The following LRRC4C variants were observed in gnomAD, a reference collection of about 807,000 sequenced individuals.
LRRC4C encodes leucine rich repeat containing 4C.
In LRRC4C, 5 loss-of-function variants were observed where a neutral mutation model predicts 33.6. That is an observed-to-expected ratio of 0.15 (90% CI 0.08 to 0.31). The LOEUF (loss-of-function observed/expected upper bound fraction) is 0.31. Ranked by LOEUF, LRRC4C falls within the 10% of genes least tolerant of loss-of-function variation. The probability of loss-of-function intolerance (pLI) is 1.00; values close to 1 mark genes in which losing one functional copy is unlikely to be tolerated. For missense variants in LRRC4C, 560 were observed against 796.7 expected (o/e 0.70, Z 3.58); for synonymous variants, 329 against 302.0 (o/e 1.09, Z -0.93).
chr11:41,091,923 A>T (rs1280251197), intron 1 of LRRC4C, among the ~76,000 whole-genome samples: 10 of 152,114 alleles, frequency 6.6e-5, no homozygotes, highest in African/African-American at 2.2e-4. Flanking sequence ...GGAGTAGAAA[A>T]TCAATGGGAT....
intron 2 of LRRC4C, among the ~76,000 whole-genome samples, chr11:40,673,940 G>T (rs77673402): frequency 6.6e-6 from 1 of 152,104 alleles, no homozygotes; most frequent in African/African-American, 2.4e-5. Flanking sequence ...ATGAACCATC[G>T]CTTTCTTGAG....
At chr11:40,732,687 G>T (rs1947651550) in intron 2 of LRRC4C, among the ~76,000 whole-genome samples, 1 of 152,022 alleles carries the variant, frequency 6.6e-6, no homozygotes, top group South Asian at 2.1e-4. Context: ...TTTCACTATG[G>T]TGACTTTTGA....
At chr11:41,251,090 C>T (rs1449705197) in intron 1 of LRRC4C, among the ~76,000 whole-genome samples, 1 of 152,086 alleles carries the variant, frequency 6.6e-6, no homozygotes, top group Non-Finnish European at 1.5e-5. Context: ...AGAAGCCAAA[C>T]AATACAAAAC....
At chr11:40,486,057 C>A (rs998352611) in intron 3 of LRRC4C, among the ~76,000 whole-genome samples, 20 of 151,272 alleles carry the variant, frequency 1.3e-4, no homozygotes, top group African/African-American at 4.1e-4. Context: ...AGGCTTAACA[C>A]CTGGAAGATG....
chr11:40,380,780 GAAC>G (rs1948833281), intron 3 of LRRC4C, among the ~76,000 whole-genome samples: 1 of 152,104 alleles, frequency 6.6e-6, no homozygotes, highest in African/African-American at 2.4e-5. Flanking sequence ...ATTCTATGGT[GAAC>G]AACACCATTA....
Position 41,308,224 on chromosome 11 carries a change from T to A in LRRC4C, c.-496+151207A>T, listed in dbSNP as rs147214150. 3.3e-3 allele frequency among the ~76,000 whole-genome samples: 506 copies of A among 152,296 alleles called. 8 individuals carry two copies. The highest frequency in any genetic ancestry group is 0.018 in the South Asian group (88 of 4,810). On this transcript the variant is annotated intron_variant, in intron 1 of 6. Transcript: ENST00000528697. Reference sequence around the variant, plus strand: ...CAATGACAGATGTTACTTCCAAAGGTTAAAACTCTGAGGGATTGCTTTTTT... The same window carrying A: ...CAATGACAGATGTTACTTCCAAAGGATAAAACTCTGAGGGATTGCTTTTTT...
rs561806283 is a variant in LRRC4C, at chr11:40,365,228, C to T, written c.-269-45507G>A. On this transcript the variant is annotated intron_variant, in intron 3 of 6. Transcript: ENST00000528697. The stretch of plus-strand genomic sequence containing the variant: ...AAAGCATTGTGATGTATCATATATA[C>T]GATTTAAAATTAAAATATGATTTAA... 1.9e-4 allele frequency among the ~76,000 whole-genome samples: 29 copies of T among 151,868 alleles called. 1 individual carries two copies. The highest frequency in any genetic ancestry group is 2.8e-4 in the Non-Finnish European group (19 of 67,894).
intron 2 of LRRC4C, among the ~76,000 whole-genome samples, chr11:40,757,881 GA>G (rs1949027381): frequency 1.3e-5 from 2 of 152,162 alleles, no homozygotes; most frequent in Admixed American, 1.3e-4. Context: ...TTTAGAGTCA[GA>G]AGTGTTGGTT....
At chr11:40,668,849 C>T in intron 2 of LRRC4C, among the ~76,000 whole-genome samples, 1 of 152,054 alleles carries the variant, frequency 6.6e-6, no homozygotes. Flanking sequence ...ACAGTAGAAA[C>T]CATGGGGCTA....
intron 3 of LRRC4C, among the ~76,000 whole-genome samples, chr11:40,327,726 C>A (rs1226370923): frequency 1.3e-5 from 2 of 151,864 alleles, no homozygotes; most frequent in African/African-American, 4.8e-5. Context: ...TGAACATTTT[C>A]AAAATTTTTA....
intron 3 of LRRC4C, among the ~76,000 whole-genome samples, chr11:40,565,034 A>G (rs895969475): frequency 1.3e-5 from 2 of 152,202 alleles, no homozygotes; most frequent in African/African-American, 2.4e-5. Context: ...CTACCAACCA[A>G]CCAAGACCTG....
At chr11:40,596,204 T>G (rs1186558233) in intron 3 of LRRC4C, among the ~76,000 whole-genome samples, 2 of 152,184 alleles carry the variant, frequency 1.3e-5, no homozygotes, top group Non-Finnish European at 2.9e-5. Context: ...AGGAGGTGGC[T>G]CTAGAAATGT....
intron 3 of LRRC4C, among the ~76,000 whole-genome samples, chr11:40,586,631 C>T (rs1300980138): frequency 2.7e-5 from 4 of 148,756 alleles, no homozygotes; most frequent in African/African-American, 1.0e-4. Flanking sequence ...GTCTTTAATC[C>T]ATCTTGAATT....
intron 5 of LRRC4C, among the ~76,000 whole-genome samples, chr11:40,211,935 A>AT (rs1162801928): frequency 6.6e-6 from 1 of 152,148 alleles, no homozygotes; most frequent in Non-Finnish European, 1.5e-5. Flanking sequence ...AGATGCCTGG[A>AT]TCCCTGGTGA....
At chr11:40,682,614 A>T (rs1412472395) in intron 2 of LRRC4C, among the ~76,000 whole-genome samples, 7 of 152,016 alleles carry the variant, frequency 4.6e-5, no homozygotes, top group Non-Finnish European at 1.0e-4. Context: ...AATCTCTACT[A>T]AAAATACAAA....
intron 4 of LRRC4C, among the ~76,000 whole-genome samples, chr11:40,305,115 G>A (rs1432387207): frequency 6.6e-6 from 1 of 152,162 alleles, no homozygotes; most frequent in African/African-American, 2.4e-5. Context: ...TTTAGTGCTC[G>A]AATAGGGCCT....
intron 2 of LRRC4C, among the ~76,000 whole-genome samples, chr11:40,667,976 T>G (rs1168931304): frequency 1.3e-5 from 2 of 152,208 alleles, no homozygotes; most frequent in Non-Finnish European, 2.9e-5. Context: ...CTGTGAAAAC[T>G]TTGGGTTATC....
intron 3 of LRRC4C, among the ~76,000 whole-genome samples, chr11:40,373,270 T>G (rs376234307): frequency 1.3e-5 from 2 of 152,100 alleles, no homozygotes; most frequent in African/African-American, 4.8e-5. Flanking sequence ...ATGAATGATA[T>G]CTTACCCAAC....
At chr11:40,570,788 T>C (rs1256690064) in intron 3 of LRRC4C, among the ~76,000 whole-genome samples, 1 of 152,168 alleles carries the variant, frequency 6.6e-6, no homozygotes, top group African/African-American at 2.4e-5. Flanking sequence ...AAGATTTAAA[T>C]TGATTCTTTG....
Sources: gnomAD v4.1 joint callset for allele counts (sites outside exome capture counted in the v4.1 genomes callset) on GRCh38, gnomAD v4.1.1 for gene constraint, MANE v1.5 for transcripts, NCBI Gene and HGNC (gene_info 2026-07-23, HGNC 2026-07-21) for gene names.